GRK5: variants seen among roughly 807,000 people sequenced by gnomAD.
GRK5 encodes the protein g protein-coupled receptor kinase GRK5.
GRK5 carries 40 observed loss-of-function variants against 78.4 expected under a neutral mutation model. The observed-to-expected ratio is 0.51, with a 90% CI of 0.40 to 0.66. The LOEUF (loss-of-function observed/expected upper bound fraction) is 0.66. Ranked by LOEUF, GRK5 falls within the 30% of genes least tolerant of loss-of-function variation. GRK5 has a pLI of 0.00. For missense variants in GRK5, 598 were observed against 759.9 expected, an observed-to-expected ratio of 0.79 and a Z score of 2.50; for synonymous variants, 289 against 296.8, an observed-to-expected ratio of 0.97 and a Z score of 0.27.
intron 2 of GRK5, among the ~76,000 whole-genome samples, chr10:119,380,327 T>C (rs1851691824): frequency 6.6e-6 from 1 of 152,100 alleles, no homozygotes; most frequent in Admixed American, 6.6e-5. Flanking sequence ...CATCGCGGCT[T>C]TTCTTGCAGT....
chr10:119,445,302 C>T lies in GRK5; in HGVS notation c.1266+1550C>T, dbSNP rs913661229. Among the ~76,000 whole-genome samples the T allele has an allele frequency of 5.3e-5, 8 of 152,212 alleles. No homozygotes were observed. In the South Asian group the frequency reaches 1.2e-3, roughly 24 times the overall value. ...GGGAAAGAAGAAGGGGTCAGACAGC[C>T]GTGGGCAGAGCATCACCAAATGTCC... On this transcript the variant is annotated intron_variant, in intron 12 of 15. Coordinates refer to ENST00000392870, the MANE Select transcript of GRK5 (RefSeq NM_005308.3). The surrounding 1 kb of genome is among the most constrained non-coding windows in gnomAD (Gnocchi z 4.1).
rs547778953 is a variant in GRK5, at chr10:119,313,319, A to G, written c.53-13197A>G. On this transcript the variant is annotated intron_variant, in intron 1 of 15. Coordinates refer to ENST00000392870, the MANE Select transcript of GRK5 (RefSeq NM_005308.3). ...TGGTGGTGGTGATGATGGTGGTGGCAATGGCAGTGGTGGTGGTGATGGGGA... is the reference window on the plus strand; with the variant it reads ...TGGTGGTGGTGATGATGGTGGTGGCGATGGCAGTGGTGGTGGTGATGGGGA... 1.4e-4 allele frequency among the ~76,000 whole-genome samples: 21 copies of G among 147,084 alleles called. No homozygotes were observed. In the South Asian group the frequency reaches 4.4e-3, roughly 31 times the overall value.
chr10:119,295,177 G>C (rs1006078844), intron 1 of GRK5, among the ~76,000 whole-genome samples: 1 of 129,162 alleles, frequency 7.7e-6, no homozygotes, highest in Non-Finnish European at 1.6e-5. Context: ...GCGACAGAGC[G>C]AGACTCAGTC....
chr10:119,365,567 A>G (rs1851434602), intron 2 of GRK5, among the ~76,000 whole-genome samples: 1 of 152,310 alleles, frequency 6.6e-6, no homozygotes, highest in South Asian at 2.1e-4. Flanking sequence ...TTGAATTTTA[A>G]TAAAGGACCT....
chr10:119,342,354 C>T (rs372611285), intron 2 of GRK5, among the ~76,000 whole-genome samples: 2 of 152,182 alleles, frequency 1.3e-5, no homozygotes, highest in Admixed American at 1.3e-4. Flanking sequence ...GTCAGAGGGA[C>T]CTGGTTTTCA....
At chr10:119,302,139 A>G (rs1850193599) in intron 1 of GRK5, among the ~76,000 whole-genome samples, 1 of 152,208 alleles carries the variant, frequency 6.6e-6, no homozygotes, top group Non-Finnish European at 1.5e-5. Flanking sequence ...AGAAATCCAC[A>G]TTCCTTTAAG....
intron 1 of GRK5, among the ~76,000 whole-genome samples, chr10:119,259,286 G>A (rs1011950486): frequency 1.3e-5 from 2 of 151,518 alleles, no homozygotes; most frequent in Non-Finnish European, 1.5e-5. Context: ...GGATGGTCTC[G>A]ATCTCCTGAC....
At chr10:119,291,136 G>T (rs1191220805) in intron 1 of GRK5, among the ~76,000 whole-genome samples, 2 of 152,192 alleles carry the variant, frequency 1.3e-5, no homozygotes, top group African/African-American at 2.4e-5. Context: ...CCCAGAGCCA[G>T]CCGCAGGGTA....
At chr10:119,408,797 G>A (rs929403290) in intron 4 of GRK5, among the ~76,000 whole-genome samples, 1 of 152,154 alleles carries the variant, frequency 6.6e-6, no homozygotes, top group African/African-American at 2.4e-5. Context: ...CATGATGAAC[G>A]TAATGAATGC....
At chr10:119,281,787 G>A (rs1254119351) in intron 1 of GRK5, among the ~76,000 whole-genome samples, 2 of 152,240 alleles carry the variant, frequency 1.3e-5, no homozygotes, top group East Asian at 3.8e-4. Flanking sequence ...TGGCTGAGAA[G>A]CTGGCTGAAT....
chr10:119,387,178 A>G (rs1340023300), intron 3 of GRK5, among the ~76,000 whole-genome samples: 1 of 151,904 alleles, frequency 6.6e-6, no homozygotes, highest in African/African-American at 2.4e-5. Context: ...CTAATTTTGT[A>G]TTTTTAATAG....
chr10:119,260,613 C>G (rs1178376185), intron 1 of GRK5, among the ~76,000 whole-genome samples: 12 of 151,896 alleles, frequency 7.9e-5, no homozygotes, highest in Non-Finnish European at 1.3e-4. Flanking sequence ...GACTCTTAAC[C>G]AGCATGCTGC....
chr10:119,319,096 C>G (rs950327197), intron 1 of GRK5, among the ~76,000 whole-genome samples: 4 of 152,308 alleles, frequency 2.6e-5, no homozygotes, highest in Admixed American at 2.0e-4. Context: ...TCCTGCGGGG[C>G]CCCCACCCTC....
intron 9 of GRK5, among the ~76,000 whole-genome samples, chr10:119,438,203 G>A (rs1852961338): frequency 6.6e-6 from 1 of 152,184 alleles, no homozygotes; most frequent in Admixed American, 6.5e-5. Flanking sequence ...GGTCGCTACA[G>A]TCATACTCGG....
chr10:119,281,883 A>G (rs1244820476), intron 1 of GRK5, among the ~76,000 whole-genome samples: 1 of 152,178 alleles, frequency 6.6e-6, no homozygotes, highest in Non-Finnish European at 1.5e-5. Context: ...TCTTATTTCT[A>G]AGACGTGATC....
chr10:119,235,229 A>G (rs1041535450), intron 1 of GRK5, among the ~76,000 whole-genome samples: 4 of 151,590 alleles, frequency 2.6e-5, no homozygotes, highest in Non-Finnish European at 4.4e-5. Context: ...TCTGGCTTTC[A>G]TCAGTGGTGA....
At chr10:119,287,819 A>G (rs4752273) in intron 1 of GRK5, among the ~76,000 whole-genome samples, 151,688 of 152,302 alleles carry the variant, frequency 1, 75,541 homozygotes, top group East Asian at 1. Flanking sequence ...AGGCTGGCAC[A>G]GTCATCTCCC....
At chr10:119,441,754 C>T (rs940496316) in intron 10 of GRK5, among the ~76,000 whole-genome samples, 32 of 152,328 alleles carry the variant, frequency 2.1e-4, no homozygotes, top group African/African-American at 7.2e-4. Context: ...AACGTCCAGC[C>T]GGGTCCAGGC....
At chr10:119,443,343 G>A (rs17098898) in intron 11 of GRK5, among the ~76,000 whole-genome samples, 3,258 of 152,332 alleles carry the variant, frequency 0.021, 100 homozygotes, top group East Asian at 0.11. Flanking sequence ...CATCCACGGT[G>A]GTCAGAGTTC....
Sources: gnomAD v4.1 joint callset for allele counts (sites outside exome capture counted in the v4.1 genomes callset) on GRCh38, gnomAD v4.1.1 for gene constraint, Gnocchi (gnomAD v3.1) non-coding constraint, MANE v1.5 for transcripts, NCBI Gene and HGNC (gene_info 2026-07-23, HGNC 2026-07-21) for gene names.